Variants in NRG3 observed in about 807,000 individuals in gnomAD.
NRG3 encodes pro-neuregulin-3, membrane-bound isoform.
In NRG3, 31 loss-of-function variants were observed where a neutral mutation model predicts 66.9. The ratio of observed to expected loss-of-function variants is 0.46; its 90% CI spans 0.35 to 0.63. The LOEUF is 0.63. Among genes scored for constraint, NRG3 ranks in the 20% least tolerant of loss-of-function variants. The pLI is 0.00. For missense variants in NRG3, 910 were observed against 878.9 expected, an observed-to-expected ratio of 1.04 and a Z score of -0.45; for synonymous variants, 393 against 359.4, an observed-to-expected ratio of 1.09 and a Z score of -1.06.
intron 1 of NRG3, among the ~76,000 whole-genome samples, chr10:82,254,073 C>T (rs974226220): frequency 6.6e-6 from 1 of 152,202 alleles, no homozygotes; most frequent in Admixed American, 6.5e-5. Context: ...TGAGTCACTG[C>T]TCCTGTCATT....
intron 1 of NRG3, among the ~76,000 whole-genome samples, chr10:82,099,129 G>A (rs1416849048): frequency 6.6e-6 from 1 of 151,962 alleles, no homozygotes; most frequent in African/African-American, 2.4e-5. Flanking sequence ...TTTCTTTCAT[G>A]GATTATGGTT....
chr10:82,277,795 GC>G (rs1008269888), intron 1 of NRG3, among the ~76,000 whole-genome samples: 2 of 152,016 alleles, frequency 1.3e-5, no homozygotes, highest in African/African-American at 4.8e-5. Flanking sequence ...CTGGATTCCA[GC>G]CACAGTGAGT....
chr10:82,332,624 G>T (rs3904728), intron 1 of NRG3, among the ~76,000 whole-genome samples: 17,912 of 152,082 alleles, frequency 0.12, 1,866 homozygotes, highest in African/African-American at 0.27. Flanking sequence ...ACTAGGCTTT[G>T]GTGAAATTCC....
intron 3 of NRG3, among the ~76,000 whole-genome samples, chr10:82,775,493 A>G (rs567095247): frequency 6.6e-6 from 1 of 152,016 alleles, no homozygotes; most frequent in African/African-American, 2.4e-5. Flanking sequence ...ATTTCTATCT[A>G]CTCAAATTTT....
At chr10:82,327,970 G>A (rs771740660) in intron 1 of NRG3, among the ~76,000 whole-genome samples, 20 of 152,062 alleles carry the variant, frequency 1.3e-4, no homozygotes, top group Non-Finnish European at 2.8e-4. Flanking sequence ...ATCATATAAG[G>A]GACCTCTTCT....
chr10:82,429,756 A>G (rs2089675139), intron 2 of NRG3, among the ~76,000 whole-genome samples: 2 of 152,058 alleles, frequency 1.3e-5, no homozygotes, highest in South Asian at 2.1e-4. Flanking sequence ...CATCATGCAC[A>G]TATTAGTAAG....
intron 2 of NRG3, among the ~76,000 whole-genome samples, chr10:82,484,536 A>T (rs1842530438): frequency 6.6e-6 from 1 of 152,186 alleles, no homozygotes; most frequent in South Asian, 2.1e-4. Context: ...ATTTTATTTT[A>T]AAAAATTCTT....
intron 1 of NRG3, among the ~76,000 whole-genome samples, chr10:82,348,655 C>A (rs1213663893): frequency 2.0e-5 from 3 of 149,052 alleles, no homozygotes; most frequent in African/African-American, 5.0e-5. Context: ...TAATATCCTG[C>A]AGAGTGTTTT....
intron 2 of NRG3, among the ~76,000 whole-genome samples, chr10:82,417,579 C>A (rs2088673344): frequency 6.6e-6 from 1 of 152,148 alleles, no homozygotes; most frequent in South Asian, 2.1e-4. Context: ...GCTTTCATTA[C>A]ATTAACTTAT....
intron 1 of NRG3, among the ~76,000 whole-genome samples, chr10:81,918,818 C>CAAAAAACAAAAAAAA (rs11268762): frequency 6.9e-6 from 1 of 145,804 alleles, no homozygotes; most frequent in African/African-American, 2.5e-5. Context: ...AGGATTTTTG[C>CAAAAAACAAAAAAAA]AAAAAACAAA....
At chr10:81,901,391 G>A (rs931406917) in intron 1 of NRG3, among the ~76,000 whole-genome samples, 6 of 152,172 alleles carry the variant, frequency 3.9e-5, no homozygotes, top group Non-Finnish European at 7.3e-5. Flanking sequence ...ATAGGGTCTG[G>A]TGCAATGACT....
chr10:82,115,728 G>A (rs1338568868), intron 1 of NRG3, among the ~76,000 whole-genome samples: 1 of 152,050 alleles, frequency 6.6e-6, no homozygotes, highest in Non-Finnish European at 1.5e-5. Context: ...GGATATCAGG[G>A]GTTTGGTCCT....
intron 2 of NRG3, among the ~76,000 whole-genome samples, chr10:82,621,883 A>G (rs1565136499): frequency 1.3e-5 from 2 of 152,192 alleles, no homozygotes; most frequent in Non-Finnish European, 1.5e-5. Context: ...GTTTCCTCAG[A>G]ACCAAGCCAG....
intron 1 of NRG3, among the ~76,000 whole-genome samples, chr10:81,906,909 G>A (rs1844653987): frequency 6.6e-6 from 1 of 152,148 alleles, no homozygotes; most frequent in South Asian, 2.1e-4. Context: ...TGAGGGTCTA[G>A]AGGATTAGTC....
intron 1 of NRG3, among the ~76,000 whole-genome samples, chr10:82,254,155 A>G (rs2077607387): frequency 2.0e-5 from 3 of 152,206 alleles, no homozygotes; most frequent in Non-Finnish European, 4.4e-5. Context: ...ATGTACTTAT[A>G]TTTTTAAATT....
intron 1 of NRG3, among the ~76,000 whole-genome samples, chr10:82,208,336 T>A (rs2133591426): frequency 6.6e-6 from 1 of 152,256 alleles, no homozygotes; most frequent in Admixed American, 6.5e-5. Flanking sequence ...CGTAATCAAA[T>A]GTTTTATATT....
At chr10:82,408,095 G>GA (rs1167543130) in intron 2 of NRG3, among the ~76,000 whole-genome samples, 77 of 112,766 alleles carry the variant, frequency 6.8e-4, no homozygotes, top group African/African-American at 2.7e-3. Context: ...CAGAAAGAAA[G>GA]AAAGAAAGAA....
intron 3 of NRG3, among the ~76,000 whole-genome samples, chr10:82,791,275 A>G (rs1358581218): frequency 6.7e-6 from 1 of 149,818 alleles, no homozygotes; most frequent in East Asian, 2.0e-4. Flanking sequence ...CAAAGCTCTT[A>G]TTTGATTACT....
At chr10:82,734,564 A>G (rs187128974) in intron 2 of NRG3, among the ~76,000 whole-genome samples, 1 of 152,054 alleles carries the variant, frequency 6.6e-6, no homozygotes, top group East Asian at 1.9e-4. Flanking sequence ...CCTCCCTCCC[A>G]TTGTGAGGGA....
Sources: gnomAD v4.1 joint callset for allele counts (sites outside exome capture counted in the v4.1 genomes callset) on GRCh38, gnomAD v4.1.1 for gene constraint, MANE v1.5 for transcripts, NCBI Gene and HGNC (gene_info 2026-07-23, HGNC 2026-07-21) for gene names.